The following CSMD1 variants were observed in gnomAD, a reference collection of about 807,000 sequenced individuals.
The protein encoded by CSMD1 is CUB and Sushi multiple domains 1.
Under a neutral mutation model 417.5 loss-of-function variants are expected in CSMD1, and 213 were observed. The observed-to-expected ratio is 0.51, with a 90% CI of 0.46 to 0.57. The LOEUF (loss-of-function observed/expected upper bound fraction) is 0.57. Ranked by LOEUF, CSMD1 falls within the 20% of genes least tolerant of loss-of-function variation. The pLI, the probability that CSMD1 is intolerant of heterozygous loss-of-function variation, is 0.00. For missense variants in CSMD1, 6,923 were observed against 4,529.7 expected (o/e 1.53, Z -15.17); for synonymous variants, 2,862 against 1,736.8 (o/e 1.65, Z -16.11).
intron 3 of CSMD1, among the ~76,000 whole-genome samples, chr8:4,032,976 T>A (rs1340613613): frequency 6.6e-6 from 1 of 152,002 alleles, no homozygotes. Context: ...TACGAAACAC[T>A]GACAATCTGT....
chr8:4,794,712 G>T (rs916171369), intron 1 of CSMD1, among the ~76,000 whole-genome samples: 3 of 152,178 alleles, frequency 2.0e-5, no homozygotes, highest in African/African-American at 7.2e-5. Flanking sequence ...ATGTGGCAGA[G>T]TATTTTCTCA....
chr8:3,610,682 TATA>T (rs1563197748), intron 8 of CSMD1, among the ~76,000 whole-genome samples: 1 of 152,194 alleles, frequency 6.6e-6, no homozygotes, highest in Non-Finnish European at 1.5e-5. Context: ...AATATCTTAC[TATA>T]ATGTTTCTTT....
At chr8:4,013,002 C>G (rs537323048) in intron 4 of CSMD1, among the ~76,000 whole-genome samples, 3 of 152,146 alleles carry the variant, frequency 2.0e-5, no homozygotes, top group Non-Finnish European at 4.4e-5. Flanking sequence ...CTCTCATTTT[C>G]ATTTTGCAAT....
chr8:4,680,726 AG>A (rs1405946229), intron 1 of CSMD1, among the ~76,000 whole-genome samples: 1 of 151,890 alleles, frequency 6.6e-6, no homozygotes, highest in African/African-American at 2.4e-5. Context: ...ATTACAGGTG[AG>A]GCCCACCACA....
chr8:3,756,798 A>ATT (rs5888992), intron 5 of CSMD1, among the ~76,000 whole-genome samples: 29,561 of 149,204 alleles, frequency 0.2, 3,364 homozygotes, highest in South Asian at 0.3. Context: ...ACCAGGTGGA[A>ATT]TTTTTTTTTT....
chr8:4,694,938 G>C (rs185921802), intron 1 of CSMD1, among the ~76,000 whole-genome samples: 12 of 152,046 alleles, frequency 7.9e-5, no homozygotes. Context: ...AAAGCACTAT[G>C]AACATACAGG....
intron 7 of CSMD1, among the ~76,000 whole-genome samples, chr8:3,665,968 G>A (rs1798670568): frequency 1.3e-5 from 2 of 152,172 alleles, no homozygotes; most frequent in South Asian, 2.1e-4. Flanking sequence ...ACCTCCACCT[G>A]CCAGATTCAA....
Position 4,713,152 on chromosome 8 carries a change from A to T in CSMD1, c.86-75594T>A, listed in dbSNP as rs1384222709. Among the ~76,000 whole-genome samples the T allele has an allele frequency of 2.0e-5, 3 of 152,214 alleles. No individual in the cohort carries two copies. The East Asian group carries it at 5.8e-4, about 29-fold the overall frequency. On this transcript the variant is annotated intron_variant, in intron 1 of 69. Transcript: ENST00000635120. ...CCACTAGGACCTCTATTAAAATGCA[A>T]ATGTGTTCCCCGGGTGGGGAAACAC...
At chr8:3,675,021 G>A (rs1799299033) in intron 7 of CSMD1, among the ~76,000 whole-genome samples, 2 of 152,188 alleles carry the variant, frequency 1.3e-5, no homozygotes. Flanking sequence ...GCCCAGTGAT[G>A]CAGGGATTTA....
chr8:4,947,427 C>T (rs1808443631), intron 1 of CSMD1, among the ~76,000 whole-genome samples: 1 of 151,308 alleles, frequency 6.6e-6, no homozygotes, highest in Admixed American at 6.6e-5. Context: ...GTTTTTTTCT[C>T]ACATAGGTAA....
At chr8:3,801,613 C>G (rs1800464516) in intron 5 of CSMD1, among the ~76,000 whole-genome samples, 1 of 147,702 alleles carries the variant, frequency 6.8e-6, no homozygotes, top group South Asian at 2.2e-4. Flanking sequence ...AAGAATTCCA[C>G]TCCTAGTTTT....
At chr8:3,542,383 A>G (rs1419026773) in intron 10 of CSMD1, among the ~76,000 whole-genome samples, 1 of 152,174 alleles carries the variant, frequency 6.6e-6, no homozygotes, top group Admixed American at 6.5e-5. Context: ...TTATTTTACA[A>G]ATATATTTTA....
At chr8:4,580,214 G>A (rs1362904160) in intron 2 of CSMD1, among the ~76,000 whole-genome samples, 1 of 152,180 alleles carries the variant, frequency 6.6e-6, no homozygotes, top group Non-Finnish European at 1.5e-5. Flanking sequence ...GCCCCCTGCT[G>A]CCCTTCCCCT....
At chr8:4,189,344 G>T (rs1032535635) in intron 3 of CSMD1, among the ~76,000 whole-genome samples, 1 of 152,034 alleles carries the variant, frequency 6.6e-6, no homozygotes, top group Non-Finnish European at 1.5e-5. Context: ...TGTTTATTAG[G>T]AATAATGATA....
chr8:4,246,255 T>C (rs985473348), intron 3 of CSMD1, among the ~76,000 whole-genome samples: 2 of 152,180 alleles, frequency 1.3e-5, no homozygotes, highest in African/African-American at 4.8e-5. Context: ...ATCTTACTTA[T>C]ACATGATAAC....
At chr8:4,733,067 C>A (rs189105101) in intron 1 of CSMD1, among the ~76,000 whole-genome samples, 54 of 151,950 alleles carry the variant, frequency 3.6e-4, no homozygotes, top group African/African-American at 1.3e-3. Flanking sequence ...GAAAAAAGAC[C>A]GAGGTTGGTA....
chr8:4,268,103 C>T (rs1804334834), intron 3 of CSMD1, among the ~76,000 whole-genome samples: 1 of 152,058 alleles, frequency 6.6e-6, no homozygotes, highest in African/African-American at 2.4e-5. Flanking sequence ...TACAAAAAAC[C>T]TAATCCAAGA....
At chr8:3,250,369 C>A (rs1800174727) in intron 26 of CSMD1, among the ~76,000 whole-genome samples, 1 of 152,178 alleles carries the variant, frequency 6.6e-6, no homozygotes, top group East Asian at 1.9e-4. Flanking sequence ...TCATCCCTGT[C>A]CCTACAAAGG....
At chr8:4,750,724 T>C (rs1199070980) in intron 1 of CSMD1, among the ~76,000 whole-genome samples, 4 of 152,130 alleles carry the variant, frequency 2.6e-5, no homozygotes, top group Non-Finnish European at 5.9e-5. Context: ...AACTTGACTT[T>C]TGTCAGTAAA....
Sources: gnomAD v4.1 joint callset for allele counts (sites outside exome capture counted in the v4.1 genomes callset) on GRCh38, gnomAD v4.1.1 for gene constraint, MANE v1.5 for transcripts, NCBI Gene and HGNC (gene_info 2026-07-23, HGNC 2026-07-21) for gene names.